Variants in DLGAP3 observed in about 807,000 individuals in gnomAD.
DLGAP3 encodes DLG associated protein 3, also known as disks large-associated protein 3.
A neutral mutation model predicts 81.2 loss-of-function variants in DLGAP3; 17 were observed. The observed-to-expected ratio is 0.21, with a 90% CI of 0.14 to 0.31. The LOEUF is 0.31. DLGAP3 is among the 10% of genes least tolerant of loss of function. DLGAP3 has a pLI of 1.00. For synonymous variants in DLGAP3, 577 were observed against 587.4 expected (o/e 0.98, Z 0.26); for missense variants, 1,124 against 1,388.0 (o/e 0.81, Z 3.02).
intron 1 of DLGAP3, among the ~76,000 whole-genome samples, chr1:34,927,369 C>T (rs1400261595): frequency 1.3e-5 from 2 of 152,274 alleles, no homozygotes; most frequent in East Asian, 1.9e-4. Context: ...AAGTCCCCTC[C>T]CTTCTTGGGG....
At chr1:34,879,254 C>T (rs1433374716) in intron 8 of DLGAP3, among the ~76,000 whole-genome samples, 2 of 152,024 alleles carry the variant, frequency 1.3e-5, no homozygotes, top group Non-Finnish European at 2.9e-5. Flanking sequence ...GAGCCCTGAG[C>T]TTGTTTTCCT....
At chr1:34,911,495 G>A (rs1006935098) in intron 1 of DLGAP3, among the ~76,000 whole-genome samples, 3 of 152,138 alleles carry the variant, frequency 2.0e-5, no homozygotes, top group Non-Finnish European at 4.4e-5. Flanking sequence ...AGAGCTGCCC[G>A]AATGGTGAAG....
intron 1 of DLGAP3, among the ~76,000 whole-genome samples, chr1:34,920,341 T>C (rs1307341303): frequency 6.6e-6 from 1 of 151,810 alleles, no homozygotes; most frequent in Non-Finnish European, 1.5e-5. Context: ...GGAATGAACA[T>C]ACATGGGATA....
chr1:34,874,167 A>G (rs998207885), intron 8 of DLGAP3, among the ~76,000 whole-genome samples: 2 of 152,164 alleles, frequency 1.3e-5, no homozygotes, highest in African/African-American at 4.8e-5. Flanking sequence ...GGAACATGAG[A>G]CCAAAGGGAA....
At chr1:34,911,566 C>T (rs984471033) in intron 1 of DLGAP3, among the ~76,000 whole-genome samples, 2 of 152,132 alleles carry the variant, frequency 1.3e-5, no homozygotes, top group Middle Eastern at 3.2e-3. Flanking sequence ...AAAATGGTGA[C>T]TGAAGGAGTC....
intron 8 of DLGAP3, among the ~76,000 whole-genome samples, chr1:34,870,466 C>T (rs1450664407): frequency 6.6e-6 from 1 of 152,148 alleles, no homozygotes; most frequent in East Asian, 1.9e-4. Context: ...TCCCAACCCC[C>T]GCAACTTCAG....
chr1:34,876,712 C>T (rs1406578171), intron 8 of DLGAP3, among the ~76,000 whole-genome samples: 1 of 152,242 alleles, frequency 6.6e-6, no homozygotes, highest in Non-Finnish European at 1.5e-5. Context: ...AGTGTGATCA[C>T]CTGTCCCAGG....
intron 3 of DLGAP3, among the ~76,000 whole-genome samples, chr1:34,903,907 C>T (rs1639501747): frequency 6.6e-6 from 1 of 152,222 alleles, no homozygotes; most frequent in African/African-American, 2.4e-5. Context: ...CAACTGCCGA[C>T]CTTCAATCTT....
intron 1 of DLGAP3, chr1:34,925,609 T>C (rs1639861633): frequency 6.6e-6 from 1 of 152,276 alleles, no homozygotes; most frequent in South Asian, 2.1e-4. Flanking sequence ...CTTTTTAATT[T>C]CATTCTCTCC....
At chr1:34,897,107 T>C (rs1290019561) in intron 5 of DLGAP3, among the ~76,000 whole-genome samples, 1 of 150,976 alleles carries the variant, frequency 6.6e-6, no homozygotes, top group Non-Finnish European at 1.5e-5. Flanking sequence ...AGGCAAATAC[T>C]AAACGAAAAA....
At chr1:34,869,999 G>C (rs1197261698) in intron 8 of DLGAP3, among the ~76,000 whole-genome samples, 1 of 152,206 alleles carries the variant, frequency 6.6e-6, no homozygotes, top group African/African-American at 2.4e-5. Flanking sequence ...AGCAGCTGGA[G>C]GTGGAGTGGG....
intron 1 of DLGAP3, among the ~76,000 whole-genome samples, chr1:34,919,979 G>A (rs1255813527): frequency 6.6e-6 from 1 of 152,122 alleles, no homozygotes; most frequent in African/African-American, 2.4e-5. Flanking sequence ...CAGGGTAGAG[G>A]ACCAGAAGTG....
chr1:34,886,006 G>A (rs532132418), intron 6 of DLGAP3, 66 bp downstream of exon 6: 27 of 1,474,984 alleles, frequency 1.8e-5, no homozygotes, highest in Admixed American at 6.0e-5. Flanking sequence ...CGAGGGGGAG[G>A]CCAGAACCCG....
intron 1 of DLGAP3, among the ~76,000 whole-genome samples, chr1:34,924,150 C>G (rs1639834878): frequency 6.6e-6 from 1 of 152,126 alleles, no homozygotes; most frequent in Admixed American, 6.5e-5. Flanking sequence ...AAAGACAGTG[C>G]ATAAGAATAC....
Position 34,868,760 on chromosome 1 carries a change from C to T in DLGAP3, c.2330G>A (p.Arg777His), listed in dbSNP as rs746903257. The T allele has an allele frequency of 2.2e-5, 36 of 1,605,970 alleles. 1 individual carries two copies. In the Middle Eastern group the frequency reaches 1.7e-3, roughly 74 times the overall value. Residue 777 changes from arginine to histidine, a missense_variant, in exon 9 of 12, where the codon CGC becomes CAC. Arg to His is a conservative substitution (Grantham distance 29). Around this residue, in one of 9 missense-constraint regions of DLGAP3, gnomAD observed 379 missense variants for 455.7 expected, o/e 0.83. Coordinates refer to ENST00000373347, the MANE Select transcript of DLGAP3 (RefSeq NM_001080418.3). The surrounding 1 kb of genome is among the most constrained non-coding windows in gnomAD (Gnocchi z 7.5). Reference protein sequence around the residue: ...GAGRRDSWIERGSRSLPDSGR... With the variant: ...GAGRRDSWIEHGSRSLPDSGR... Reference sequence around the variant, plus strand: ...TGAGTCGGGGAGGCTACGTGAACCGCGCTCTATCCAGGAGTCACGGCGGCC... The same window carrying T: ...TGAGTCGGGGAGGCTACGTGAACCGTGCTCTATCCAGGAGTCACGGCGGCC...
intron 5 of DLGAP3, among the ~76,000 whole-genome samples, chr1:34,893,955 G>A (rs1392041528): frequency 1.3e-5 from 2 of 152,190 alleles, no homozygotes; most frequent in Non-Finnish European, 2.9e-5. Flanking sequence ...GGGAGGCCAA[G>A]GTGGGTGGAT....
chr1:34,893,591 C>G lies in DLGAP3; in HGVS notation c.1386+6078G>C, dbSNP rs569758802. Among the ~76,000 whole-genome samples, 5 of 152,140 alleles carry G rather than the reference C, an allele frequency of 3.3e-5. No homozygotes were observed. The South Asian group carries it at 6.2e-4, about 19-fold the overall frequency. Reference sequence around the variant, plus strand: ...TTATAATACCAATGTTGGTTTATAACAAGTGTTAGGTTTAAAACATATATA... The same window carrying G: ...TTATAATACCAATGTTGGTTTATAAGAAGTGTTAGGTTTAAAACATATATA... On this transcript the variant is annotated intron_variant, in intron 5 of 11. Transcript: ENST00000373347.
intron 5 of DLGAP3, among the ~76,000 whole-genome samples, chr1:34,896,384 G>T (rs1339513201): frequency 6.6e-6 from 1 of 152,024 alleles, no homozygotes; most frequent in African/African-American, 2.4e-5. Context: ...ATCAGGAGTT[G>T]GGAACCAGCC....
intron 3 of DLGAP3, among the ~76,000 whole-genome samples, chr1:34,901,742 G>A (rs1260991733): frequency 6.6e-6 from 1 of 152,220 alleles, no homozygotes; most frequent in Non-Finnish European, 1.5e-5. Flanking sequence ...CAGGGAGTTT[G>A]GAAATCAGAC....
Sources: gnomAD v4.1 joint callset for allele counts (sites outside exome capture counted in the v4.1 genomes callset) on GRCh38, gnomAD v4.1.1 for gene constraint, gnomAD v4.1.1 regional missense constraint, Gnocchi (gnomAD v3.1) non-coding constraint, MANE v1.5 for transcripts, NCBI Gene and HGNC (gene_info 2026-07-23, HGNC 2026-07-21) for gene names.